Variants in PAX6 observed in about 807,000 individuals in gnomAD.
PAX6 encodes paired box protein Pax-6.
PAX6 carries 7 observed loss-of-function variants against 60.7 expected under a neutral mutation model. The ratio of observed to expected loss-of-function variants is 0.12; its 90% CI spans 0.07 to 0.22. The LOEUF (loss-of-function observed/expected upper bound fraction) is 0.22. PAX6 is among the 10% of genes least tolerant of loss of function. The pLI is 1.00. For synonymous variants in PAX6, 208 were observed against 201.2 expected (o/e 1.03, Z -0.29); for missense variants, 355 against 555.2 (o/e 0.64, Z 3.62).
intron 4 of PAX6, chr11:31,803,088 C>A: frequency 2.0e-6 from 1 of 498,352 alleles, no homozygotes; most frequent in Non-Finnish European, 3.5e-6. Flanking sequence ...ACCAGCCATG[C>A]CAGACATCGG....
chr11:31,813,971 AG>A (rs1431421717), upstream of PAX6, among the ~76,000 whole-genome samples: 1 of 152,014 alleles, frequency 6.6e-6, no homozygotes, highest in Non-Finnish European at 1.5e-5. Flanking sequence ...CGGTTGCCAG[AG>A]GTGTGTACAA....
chr11:31,814,684 A>G (rs1175611690), upstream of PAX6: 1 of 152,430 alleles, frequency 6.6e-6, no homozygotes, highest in East Asian at 1.9e-4. Flanking sequence ...TGAGCCCTAA[A>G]GGCAAAGGCT....
intron 8 of PAX6, among the ~76,000 whole-genome samples, chr11:31,800,376 A>C (rs1204180223): frequency 6.6e-6 from 1 of 152,126 alleles, no homozygotes; most frequent in Non-Finnish European, 1.5e-5. Flanking sequence ...CCTGCATTCT[A>C]ATGTCAAATT....
At chr11:31,817,391 G>T (rs1957429627) in intron 1 of PAX6, among the ~76,000 whole-genome samples, 1 of 152,232 alleles carries the variant, frequency 6.6e-6, no homozygotes, top group African/African-American at 2.4e-5. Context: ...CGCTCCAGGC[G>T]CGGGTACGGA....
intron 8 of PAX6, among the ~76,000 whole-genome samples, chr11:31,799,898 C>T (rs3026377): frequency 0.057 from 8,698 of 152,060 alleles, 363 homozygotes; most frequent in East Asian, 0.2. Flanking sequence ...CTTGACCAAG[C>T]TACCTCGGGG....
chr11:31,790,667 A>T lies in PAX6; in HGVS notation c.1225+43T>A, dbSNP rs3026393. The T allele has an allele frequency of 4.5e-5, 73 of 1,613,008 alleles. No homozygotes were observed. The South Asian group carries it at 5.3e-4, about 12-fold the overall frequency. Reference sequence around the variant, plus strand: ...TTCTGTTTGGGTAAACTTCTAGTGAAGAGAGATCGCCTCTGTGCAGCCTGC... The same window carrying T: ...TTCTGTTTGGGTAAACTTCTAGTGATGAGAGATCGCCTCTGTGCAGCCTGC... On this transcript the variant is annotated intron_variant, in intron 13 of 13. Coordinates refer to ENST00000640368, the MANE Select transcript of PAX6 (RefSeq NM_001368894.2).
chr11:31,790,354 A>T, intron 13 of PAX6: 1 of 847,884 alleles, frequency 1.2e-6, no homozygotes, highest in Non-Finnish European at 1.6e-6. Flanking sequence ...TTCCAGCAAA[A>T]GGTCTAGAGG....
At chr11:31,797,610 G>C (rs556576987) in intron 8 of PAX6, among the ~76,000 whole-genome samples, 1 of 152,046 alleles carries the variant, frequency 6.6e-6, no homozygotes, top group East Asian at 1.9e-4. Flanking sequence ...CGGGGAGAGC[G>C]GCACGGAGAC....
In PAX6 at chr11:31,798,665, T is replaced by TG. The variant is rs562707655; in HGVS notation, c.565+2025dup. Among the ~76,000 whole-genome samples the TG allele has an allele frequency of 1.2e-3, 182 of 151,926 alleles. 2 individuals are homozygous for TG. Among genetic ancestry groups the TG allele is most frequent in the African/African-American group, 3.9e-3 (161 of 41,418 alleles). On this transcript the variant is annotated intron_variant, in intron 8 of 13. Coordinates refer to ENST00000640368, the MANE Select transcript of PAX6 (RefSeq NM_001368894.2). ...ACCCCCCAAAAACCTCACTTGCGGG[T>TG]GGGGGGGTGGTGATTGCCAGTTGAC... is the stretch of plus-strand genomic sequence containing the variant.
rs886044222 is a variant in PAX6 at position 31,802,724 on chromosome 11, C to G, written c.121G>C (p.Asp41His). Residue 41 changes from aspartate (D) to histidine (H), a missense_variant, in exon 5 of 14, where the codon GAC (aspartate) becomes CAC (histidine). Asp to His is a moderately conservative substitution (Grantham distance 81, BLOSUM62 -1). Coordinates refer to ENST00000640368, the MANE Select transcript of PAX6 (RefSeq NM_001368894.2). ...ATCACCTGCAGAATTCGGGAAATGT[C>G]GCACGGCCGGGCCCCGCTGTGAGCT... ...ELAHSGARPCDISRILQTHAD... is the reference protein window; with the variant it reads ...ELAHSGARPCHISRILQTHAD... 2 of 1,613,062 alleles carry G rather than the reference C, an allele frequency of 1.2e-6. No individual in the cohort carries two copies. Among genetic ancestry groups the G allele is most frequent in the East Asian group, 2.2e-5 (1 of 44,860 alleles).
intron 1 of PAX6, chr11:31,816,668 G>T: frequency 1.4e-6 from 1 of 699,124 alleles, no homozygotes; most frequent in Non-Finnish European, 2.6e-6. Context: ...CTGCCACTGC[G>T]CTCGTCCCCC....
intron 4 of PAX6, chr11:31,805,182 G>C (rs189928564): frequency 1.3e-5 from 2 of 152,352 alleles, no homozygotes; most frequent in Non-Finnish European, 2.9e-5. Context: ...CCTGCCAGCC[G>C]GGCCGCAGCG....
At position 31,790,750 on chromosome 11, in the gene PAX6, C is replaced by G; in HGVS notation, c.1185G>C (p.Met395Ile). The G allele has an allele frequency of 6.2e-7, 1 of 1,614,096 alleles. No individual in the cohort carries two copies. Among genetic ancestry groups the G allele is most frequent in the Non-Finnish European group, 8.5e-7 (1 of 1,180,022 alleles). The change falls in exon 13 of 14, where the codon ATG becomes ATC. Residue 395 changes from methionine (M) to isoleucine (I), a missense_variant. This residue lies in a region of PAX6 where 149 missense variants were observed against 191.9 expected (regional missense o/e 0.78). Transcript: ENST00000640368. Reference sequence around the variant, plus strand: ...CCGAGGTGCCCATTGGCTGACTGTTCATGTGTGTCTGCATATGTGGGGGGG... The same window carrying G: ...CCGAGGTGCCCATTGGCTGACTGTTGATGTGTGTCTGCATATGTGGGGGGG... Reference protein sequence around the residue: ...TYTPPHMQTHMNSQPMGTSGT... With the variant: ...TYTPPHMQTHINSQPMGTSGT...
chr11:31,795,598 A>T (rs1448327670), intron 8 of PAX6, among the ~76,000 whole-genome samples: 1 of 152,266 alleles, frequency 6.6e-6, no homozygotes, highest in East Asian at 1.9e-4. Context: ...CTAGCTAAAT[A>T]TTCTATGCTG....
intron 12 of PAX6, chr11:31,792,019 C>T (rs1292644930): frequency 6.6e-6 from 1 of 152,248 alleles, no homozygotes; most frequent in Non-Finnish European, 1.5e-5. Context: ...ATTGCAGCAT[C>T]TACTTGTTCG....
intron 4 of PAX6, chr11:31,803,139 G>C: frequency 2.2e-6 from 1 of 449,232 alleles, no homozygotes; most frequent in Admixed American, 3.4e-5. Context: ...CCACTGTACT[G>C]CAGCAGCAAC....
At chr11:31,803,596 C>A (rs1394434335) in intron 4 of PAX6, 1 of 152,342 alleles carries the variant, frequency 6.6e-6, no homozygotes, top group East Asian at 1.9e-4. Context: ...CCAGTGCAGA[C>A]GTGAGAGTCA....
At chr11:31,811,036 G>C in intron 1 of PAX6, 21 bp from the exon 2 acceptor site, 1 of 399,310 alleles carries the variant, frequency 2.5e-6, no homozygotes, top group East Asian at 3.6e-5. Context: ...GACAGAGATT[G>C]ACAATAAAAT....
intron 13 of PAX6, chr11:31,790,399 C>T: frequency 7.8e-7 from 1 of 1,280,304 alleles, no homozygotes; most frequent in Non-Finnish European, 1.0e-6. Context: ...AACAAGCACG[C>T]ACCTACAGCT....
Sources: allele counts gnomAD v4.1 joint callset (sites outside exome capture counted in the v4.1 genomes callset), GRCh38; gene constraint gnomAD v4.1.1; regional missense constraint gnomAD v4.1.1; transcripts MANE v1.5; gene names NCBI Gene and HGNC (gene_info 2026-07-23, HGNC 2026-07-21).